The following CAMK4 variants were observed in gnomAD, a reference collection of about 807,000 sequenced individuals.
CAMK4 encodes calcium/calmodulin dependent protein kinase IV.
Under a neutral mutation model 44.9 loss-of-function variants are expected in CAMK4, and 22 were observed. The ratio of observed to expected loss-of-function variants is 0.49; its 90% CI spans 0.35 to 0.70. The LOEUF is 0.70. Among genes scored for constraint, CAMK4 ranks in the 30% least tolerant of loss-of-function variants. The pLI is 0.01. For missense variants in CAMK4, 498 were observed against 586.8 expected (o/e 0.85, Z 1.56); for synonymous variants, 218 against 215.4 (o/e 1.01, Z -0.11).
intron 5 of CAMK4, among the ~76,000 whole-genome samples, chr5:111,423,050 T>C (rs889160927): frequency 6.6e-6 from 1 of 152,228 alleles, no homozygotes; most frequent in African/African-American, 2.4e-5. Context: ...ATTCATTGAC[T>C]TGAATCTAAT....
chr5:111,445,461 C>T (rs1254075453), intron 5 of CAMK4, among the ~76,000 whole-genome samples: 1 of 151,874 alleles, frequency 6.6e-6, no homozygotes, highest in African/African-American at 2.4e-5. Flanking sequence ...CAGGGTCTTG[C>T]TCTATCACCC....
chr5:111,333,068 A>G (rs1196564674), intron 1 of CAMK4, among the ~76,000 whole-genome samples: 2 of 151,706 alleles, frequency 1.3e-5, no homozygotes, highest in Non-Finnish European at 3.0e-5. Flanking sequence ...TAACACTTCT[A>G]TAAAATCTAA....
intron 2 of CAMK4, among the ~76,000 whole-genome samples, chr5:111,358,393 T>G (rs945380787): frequency 4.6e-5 from 7 of 152,046 alleles, no homozygotes; most frequent in African/African-American, 1.4e-4. Context: ...TCCAATTTCC[T>G]TCCTACTGTG....
chr5:111,225,544 A>G (rs77954267), intron 1 of CAMK4, among the ~76,000 whole-genome samples: 3,372 of 152,204 alleles, frequency 0.022, 130 homozygotes, highest in African/African-American at 0.078. Flanking sequence ...GCTCTTTAGT[A>G]TAGGGAATCT....
chr5:111,463,766 G>A (rs1754724404), intron 7 of CAMK4, among the ~76,000 whole-genome samples: 2 of 152,134 alleles, frequency 1.3e-5, no homozygotes, highest in African/African-American at 2.4e-5. Flanking sequence ...TTTGCCTTTC[G>A]GGAAGCCACA....
At chr5:111,292,451 AGT>A (rs1025904707) in intron 1 of CAMK4, among the ~76,000 whole-genome samples, 2 of 152,162 alleles carry the variant, frequency 1.3e-5, no homozygotes, top group South Asian at 2.1e-4. Context: ...ATGTATATAT[AGT>A]GTGTGTGTGA....
intron 2 of CAMK4, chr5:111,364,992 A>C (rs556226215): frequency 1.3e-5 from 2 of 152,164 alleles, no homozygotes; most frequent in South Asian, 4.2e-4. Flanking sequence ...ACCGTCACCC[A>C]CCCTGTGCAG....
intron 5 of CAMK4, among the ~76,000 whole-genome samples, chr5:111,421,423 T>C (rs533291633): frequency 2.9e-4 from 44 of 152,314 alleles, no homozygotes; most frequent in African/African-American, 1.0e-3. Context: ...CTAGTTTCAT[T>C]TGGGCAGGGC....
intron 4 of CAMK4, among the ~76,000 whole-genome samples, chr5:111,384,161 G>A (rs1223113944): frequency 6.6e-6 from 1 of 152,162 alleles, no homozygotes; most frequent in Non-Finnish European, 1.5e-5. Flanking sequence ...GTGAGATTGT[G>A]TGAACAGACA....
At chr5:111,381,215 G>A (rs1008858044) in intron 4 of CAMK4, among the ~76,000 whole-genome samples, 2 of 152,116 alleles carry the variant, frequency 1.3e-5, no homozygotes, top group Admixed American at 6.6e-5. Context: ...TTAAGGATCT[G>A]TAAAGGGACA....
At chr5:111,257,840 T>C (rs191851992) in intron 1 of CAMK4, among the ~76,000 whole-genome samples, 1 of 152,202 alleles carries the variant, frequency 6.6e-6, no homozygotes, top group Non-Finnish European at 1.5e-5. Context: ...GATCATGTCC[T>C]TCGCAGGACA....
chr5:111,255,819 C>T (rs2112550466), intron 1 of CAMK4, among the ~76,000 whole-genome samples: 2 of 152,274 alleles, frequency 1.3e-5, no homozygotes, highest in South Asian at 4.1e-4. Flanking sequence ...TTCCTGCTCA[C>T]CACTGTTTTA....
intron 5 of CAMK4, among the ~76,000 whole-genome samples, chr5:111,399,558 G>A (rs1752146173): frequency 6.6e-6 from 1 of 152,160 alleles, no homozygotes; most frequent in African/African-American, 2.4e-5. Context: ...CAAAGTAGGA[G>A]CTCAATAAAC....
At position 111,494,112 on chromosome 5, in the gene CAMK4, A is replaced by G. The variant is rs904178720; in HGVS notation, c.*9646A>G. ...AGGATATAAGCAGCTCAATAGCAGC[A>G]TAGAGGATTAGATTAATGGAACAGC... On this transcript the variant is annotated 3_prime_UTR_variant, in exon 11 of 11. Transcript: ENST00000282356. 2 of 152,190 alleles carry G rather than the reference A, an allele frequency of 1.3e-5. No individual in the cohort carries two copies. Among genetic ancestry groups the G allele is most frequent in the African/African-American group, 4.8e-5 (2 of 41,448 alleles). 9.4% of individuals were successfully genotyped at this position (152,190 alleles called of 1,614,324 possible).
rs149985479 is a variant in CAMK4, at chr5:111,279,017, T to C, written c.161+54373T>C. ...GTTAGAGACTATGATGGTGTATGGC[T>C]CAAGGGCGCCCCCTGGAGCACGGCC... On this transcript the variant is annotated intron_variant, in intron 1 of 10. Coordinates refer to ENST00000282356, the MANE Select transcript of CAMK4 (RefSeq NM_001744.6). Among the ~76,000 whole-genome samples, 383 of 152,266 alleles carry C rather than the reference T, an allele frequency of 2.5e-3. 1 individual carries two copies. The highest frequency in any genetic ancestry group is 2.5e-3 in the Non-Finnish European group (170 of 68,026).
chr5:111,268,973 A>G (rs560228842), intron 1 of CAMK4, among the ~76,000 whole-genome samples: 1 of 152,380 alleles, frequency 6.6e-6, no homozygotes, highest in Admixed American at 6.5e-5. Context: ...AAAGCAGCAA[A>G]AAATAAATAT....
chr5:111,273,698 TATATATATATATATATATATACACAC>T lies in CAMK4; in HGVS notation c.161+49056_161+49081del, dbSNP rs1228084198. 1.5e-3 allele frequency among the ~76,000 whole-genome samples: 82 copies of T among 54,698 alleles called. 2 individuals are homozygous for T. Among genetic ancestry groups the T allele is most frequent in the African/African-American group, 7.3e-3 (64 of 8,734 alleles). The allele number at this position is 54,698 out of a possible 152,430, so 35.9% of individuals were successfully genotyped here. ...GCATTTATATATATATATATATATA[TATATATATATATATATATATACACAC>T]ACATACATACACACACACACGCTCA... is the stretch of plus-strand genomic sequence containing the variant. On this transcript the variant is annotated intron_variant, in intron 1 of 10. Coordinates refer to ENST00000282356, the MANE Select transcript of CAMK4 (RefSeq NM_001744.6).
At chr5:111,392,229 A>G (rs1305421375) in intron 4 of CAMK4, among the ~76,000 whole-genome samples, 3 of 152,140 alleles carry the variant, frequency 2.0e-5, no homozygotes, top group Non-Finnish European at 4.4e-5. Context: ...CAGAGGTCTC[A>G]AGAAACTTAA....
rs920913882 is a variant in CAMK4 at position 111,494,532 on chromosome 5, G to A, written c.*10066G>A. ...CAGTGAGTTTCTACTTCTTACAGAT[G>A]GGACACAACAGTCATGGGCTGTCTC... On this transcript the variant is annotated 3_prime_UTR_variant, in exon 11 of 11. Coordinates refer to ENST00000282356, the MANE Select transcript of CAMK4 (RefSeq NM_001744.6). 1 of 152,042 alleles carries A rather than the reference G, an allele frequency of 6.6e-6. No homozygotes were observed. The highest frequency in any genetic ancestry group is 2.4e-5 in the African/African-American group (1 of 41,398). 9.4% of individuals were successfully genotyped at this position (152,042 alleles called of 1,614,324 possible).
Sources: gnomAD v4.1 joint callset for allele counts (sites outside exome capture counted in the v4.1 genomes callset) on GRCh38, gnomAD v4.1.1 for gene constraint, MANE v1.5 for transcripts, NCBI Gene and HGNC (gene_info 2026-07-23, HGNC 2026-07-21) for gene names.